PBX4: variants seen among roughly 807,000 people sequenced by gnomAD.
The protein encoded by PBX4 is pre-B-cell leukemia transcription factor 4.
A neutral mutation model predicts 35.1 loss-of-function variants in PBX4; 26 were observed. The observed-to-expected ratio is 0.74, with a 90% CI of 0.54 to 1.03. The LOEUF (loss-of-function observed/expected upper bound fraction) is 1.03, where lower values mean the gene tolerates loss of function less well. PBX4 is among the 50% of genes least tolerant of loss of function. The pLI is 0.00. For synonymous variants in PBX4, 199 were observed against 204.2 expected (o/e 0.97, Z 0.22); for missense variants, 448 against 504.3 (o/e 0.89, Z 1.07).
intron 1 of PBX4, among the ~76,000 whole-genome samples, chr19:19,600,001 G>C (rs2061587138): frequency 1.3e-5 from 2 of 150,800 alleles, no homozygotes; most frequent in South Asian, 2.1e-4. Context: ...AATTCGCCAG[G>C]AACAGTGTCA....
intron 2 of PBX4, chr19:19,588,420 TC>T: frequency 7.8e-7 from 1 of 1,281,658 alleles, no homozygotes; most frequent in Non-Finnish European, 1.1e-6. Context: ...TAGCCATAGT[TC>T]CCAACTAAGC....
At chr19:19,617,113 TCTC>T (rs969061693) in intron 1 of PBX4, among the ~76,000 whole-genome samples, 1 of 152,142 alleles carries the variant, frequency 6.6e-6, no homozygotes, top group Non-Finnish European at 1.5e-5. Flanking sequence ...AAGATGTTCT[TCTC>T]CACCTGGCTT....
At chr19:19,603,650 T>C (rs1189062340) in intron 1 of PBX4, among the ~76,000 whole-genome samples, 1 of 152,064 alleles carries the variant, frequency 6.6e-6, no homozygotes, top group Non-Finnish European at 1.5e-5. Context: ...GAGAGAGAAT[T>C]TGATGATGCA....
At chr19:19,564,202 C>T (rs1217619520) in intron 6 of PBX4, among the ~76,000 whole-genome samples, 7 of 140,650 alleles carry the variant, frequency 5.0e-5, no homozygotes, top group Admixed American at 3.1e-4. Flanking sequence ...TCCATGTGTT[C>T]TCATTGTTCA....
rs35516996 is a variant in PBX4 at position 19,569,573 on chromosome 19, C to T, written c.644G>A (p.Arg215Gln). The T allele has an allele frequency of 1.8e-4, 296 of 1,613,124 alleles. 1 individual carries two copies. The African/African-American group carries it at 3.0e-3, about 16-fold the overall frequency. Residue 215 changes from arginine to glutamine, a missense_variant, in exon 5 of 8, where the codon CGG (arginine) becomes CAG (glutamine). By Grantham distance (43) the Arg-to-Gln change is conservative. Coordinates refer to ENST00000251203, the MANE Select transcript of PBX4 (RefSeq NM_025245.3). ...SRLLDARRKR[R>Q]NFSKQATEVL... ...TTCCGTCGCCTGCTTGCTGAAATTC[C>T]GCCGCTTGCGCCTGCAAAAACAGCC...
chr19:19,567,559 C>A (rs1023009593), intron 5 of PBX4, among the ~76,000 whole-genome samples: 15 of 152,184 alleles, frequency 9.9e-5, no homozygotes. Flanking sequence ...GCTGTGCCTG[C>A]CCAGGTGGGA....
intron 2 of PBX4, among the ~76,000 whole-genome samples, chr19:19,589,424 A>C (rs2061512445): frequency 6.6e-6 from 1 of 151,764 alleles, no homozygotes; most frequent in Non-Finnish European, 1.5e-5. Context: ...ACTGAGCGAG[A>C]CTCTGTCTAA....
intron 2 of PBX4, among the ~76,000 whole-genome samples, chr19:19,583,076 G>A (rs1349925292): frequency 6.6e-6 from 1 of 152,204 alleles, no homozygotes; most frequent in Non-Finnish European, 1.5e-5. Flanking sequence ...CCAGCACTTT[G>A]GGAGGCTGAG....
At chr19:19,587,888 G>A (rs1020157051) in intron 2 of PBX4, among the ~76,000 whole-genome samples, 2 of 152,062 alleles carry the variant, frequency 1.3e-5, no homozygotes, top group Non-Finnish European at 1.5e-5. Flanking sequence ...GTCCCAGAGT[G>A]CTCTGTGAAG....
chr19:19,566,715 T>C (rs2061344219), intron 5 of PBX4, among the ~76,000 whole-genome samples: 1 of 146,540 alleles, frequency 6.8e-6, no homozygotes, highest in South Asian at 2.2e-4. Flanking sequence ...TTTTTTTTTT[T>C]TTTTCGGAGA....
At chr19:19,590,470 CT>C (rs552985140) in intron 2 of PBX4, among the ~76,000 whole-genome samples, 2,382 of 139,910 alleles carry the variant, frequency 0.017, 64 homozygotes, top group South Asian at 0.079. Context: ...TGTTTTCTTT[CT>C]TTTTTTTTTT....
Position 19,569,449 on chromosome 19 carries a change from C to G in PBX4, c.768G>C (p.Gln256His). Residue 256 changes from glutamine to histidine, a missense_variant and splice_region_variant, in exon 5 of 8, where the codon CAG (glutamine) becomes CAC (histidine). Coordinates refer to ENST00000251203, the MANE Select transcript of PBX4 (RefSeq NM_025245.3). ...LARKGGLTISQVSNWFGNKRI... is the reference protein window; with the variant it reads ...LARKGGLTISHVSNWFGNKRI... Reference sequence around the variant, plus strand: ...GAGACGTGGCAGGAGAGAACGTCACCTGGGAGATGGTGAGGCCGCCCTTCC... The same window carrying G: ...GAGACGTGGCAGGAGAGAACGTCACGTGGGAGATGGTGAGGCCGCCCTTCC... 1.2e-6 allele frequency: 2 copies of G among 1,611,142 alleles called. No individual in the cohort carries two copies. The highest frequency in any genetic ancestry group is 1.1e-5 in the South Asian group (1 of 90,644).
chr19:19,564,805 G>A (rs972672809), intron 6 of PBX4, 128 bp downstream of exon 6: 4 of 1,178,602 alleles, frequency 3.4e-6, no homozygotes, highest in Admixed American at 2.1e-5. Flanking sequence ...AGTTGAAACA[G>A]AAGAAAGAGT....
intron 2 of PBX4, among the ~76,000 whole-genome samples, chr19:19,575,484 G>A (rs1272808161): frequency 6.6e-6 from 1 of 151,922 alleles, no homozygotes; most frequent in Non-Finnish European, 1.5e-5. Context: ...ATCTCTCCTG[G>A]CTCAAAACAG....
At chr19:19,574,965 G>A (rs1429617641) in intron 2 of PBX4, among the ~76,000 whole-genome samples, 2 of 151,938 alleles carry the variant, frequency 1.3e-5, no homozygotes, top group South Asian at 2.1e-4. Flanking sequence ...GATTACAGGC[G>A]TGAGCCACCA....
chr19:19,592,644 T>G (rs1447595426), intron 2 of PBX4, among the ~76,000 whole-genome samples: 3 of 152,208 alleles, frequency 2.0e-5, no homozygotes, highest in Non-Finnish European at 4.4e-5. Context: ...CCCCAGACAC[T>G]GAATCTTCTG....
intron 1 of PBX4, among the ~76,000 whole-genome samples, chr19:19,609,416 G>A (rs1017233308): frequency 3.3e-5 from 5 of 152,032 alleles, no homozygotes; most frequent in African/African-American, 1.2e-4. Context: ...AGGCGTGGTG[G>A]TGCATGCCTG....
chr19:19,583,026 G>A (rs1018716556), intron 2 of PBX4, among the ~76,000 whole-genome samples: 1 of 152,260 alleles, frequency 6.6e-6, no homozygotes, highest in East Asian at 1.9e-4. Flanking sequence ...CCCAGCAAGA[G>A]AGCGGAGGTG....
chr19:19,573,372 T>C (rs111643510), intron 2 of PBX4, among the ~76,000 whole-genome samples: 9,079 of 124,460 alleles, frequency 0.073, 645 homozygotes, highest in African/African-American at 0.18. Flanking sequence ...CACACACACA[T>C]ATAGGATAGT....
Sources: allele counts gnomAD v4.1 joint callset (sites outside exome capture counted in the v4.1 genomes callset), GRCh38; gene constraint gnomAD v4.1.1; transcripts MANE v1.5; gene names NCBI Gene and HGNC (gene_info 2026-07-23, HGNC 2026-07-21).